GLDC: variants seen among roughly 807,000 people sequenced by gnomAD.
GLDC encodes glycine decarboxylase, also known as glycine dehydrogenase (decarboxylating), mitochondrial.
GLDC carries 104 observed loss-of-function variants against 121.3 expected under a neutral mutation model. The observed-to-expected ratio is 0.86, with a 90% CI of 0.73 to 1.01. The LOEUF is 1.01. GLDC is among the 50% of genes least tolerant of loss of function. GLDC has a pLI of 0.00. For missense variants in GLDC, 1,429 were observed against 1,306.6 expected (o/e 1.09, Z -1.44); for synonymous variants, 546 against 480.6 (o/e 1.14, Z -1.78).
At chr9:6,605,339 C>T (rs1335029470) in intron 5 of GLDC, 61 bp from the exon 6 acceptor site, 16 of 1,552,514 alleles carry the variant, frequency 1.0e-5, no homozygotes, top group South Asian at 3.4e-5. Flanking sequence ...AATTAATTAA[C>T]GTTTCTTTTC....
At chr9:6,542,294 A>T (rs1467013500) in intron 21 of GLDC, 9 of 152,320 alleles carry the variant, frequency 5.9e-5, no homozygotes, top group Admixed American at 1.3e-4. Context: ...GCTGGAGTGC[A>T]GTAGTGCCAT....
chr9:6,578,717 G>C (rs972477171), intron 15 of GLDC, among the ~76,000 whole-genome samples: 16 of 151,854 alleles, frequency 1.1e-4, no homozygotes, highest in African/African-American at 3.9e-4. Flanking sequence ...TTTTTTTGGA[G>C]AGATGAGGTC....
intron 4 of GLDC, among the ~76,000 whole-genome samples, chr9:6,609,908 C>A (rs1240231675): frequency 6.6e-6 from 1 of 152,074 alleles, no homozygotes; most frequent in South Asian, 2.1e-4. Context: ...AAAATAGTCC[C>A]CTCACCAAAT....
At chr9:6,634,174 C>A (rs761192860) in intron 2 of GLDC, among the ~76,000 whole-genome samples, 19 of 151,860 alleles carry the variant, frequency 1.3e-4, no homozygotes, top group Non-Finnish European at 2.5e-4. Flanking sequence ...CTGCGGTAAG[C>A]CAGGATTGCA....
intron 21 of GLDC, chr9:6,540,586 A>T (rs1817235791): frequency 5.1e-6 from 1 of 196,774 alleles, no homozygotes; most frequent in South Asian, 9.8e-5. Flanking sequence ...TCAACATCAA[A>T]TAATTACTTT....
intron 15 of GLDC, among the ~76,000 whole-genome samples, chr9:6,575,743 C>A (rs192082279): frequency 3.9e-5 from 6 of 152,254 alleles, no homozygotes; most frequent in African/African-American, 1.4e-4. Context: ...TTTACATATC[C>A]ATGGGAGGTG....
rs190995960 is a variant in GLDC at position 6,536,096 on chromosome 9, C to T, written c.2806G>A (p.Gly936Ser). ...GGATTGACCCTGGGGTCGATGCGGC[C>T]CTCCTCAATGTCAGCAATTTCCTGC... ...IRQEIADIEE[G>S]RIDPRVNPLK... The change falls in exon 23 of 25, where the codon GGC becomes AGC. Residue 936 changes from glycine to serine, a missense_variant. Transcript: ENST00000321612. 6.2e-7 allele frequency: 1 copy of T among 1,614,046 alleles called. No individual in the cohort carries two copies. The highest frequency in any genetic ancestry group is 2.2e-5 in the East Asian group (1 of 44,890).
intron 15 of GLDC, among the ~76,000 whole-genome samples, chr9:6,566,697 T>C (rs1202053217): frequency 6.6e-6 from 1 of 152,196 alleles, no homozygotes; most frequent in Non-Finnish European, 1.5e-5. Flanking sequence ...AAATGAGTAA[T>C]AGATGTATCA....
chr9:6,601,874 G>C, intron 8 of GLDC, among the ~76,000 whole-genome samples: 1 of 152,122 alleles, frequency 6.6e-6, no homozygotes, highest in East Asian at 1.9e-4. Context: ...CCAGCAATCT[G>C]CCTGCCTTGG....
chr9:6,536,591 A>T (rs893662377), intron 22 of GLDC, among the ~76,000 whole-genome samples: 1 of 152,188 alleles, frequency 6.6e-6, no homozygotes, highest in Non-Finnish European at 1.5e-5. Flanking sequence ...TAAAAGGACA[A>T]AGTACTTATA....
chr9:6,535,678 T>C (rs1817111848), intron 23 of GLDC, among the ~76,000 whole-genome samples: 1 of 152,178 alleles, frequency 6.6e-6, no homozygotes, highest in South Asian at 2.1e-4. Flanking sequence ...CATTGTAACA[T>C]CCAGTCCAAA....
Position 6,592,832 on chromosome 9 carries a change from T to C in GLDC, c.1401+19A>G, listed in dbSNP as rs778752533. 12 of 1,609,722 alleles carry C rather than the reference T, an allele frequency of 7.5e-6. No individual in the cohort carries two copies. Among genetic ancestry groups the C allele is most frequent in the African/African-American group, 2.7e-5 (2 of 74,820 alleles). On this transcript the variant is annotated intron_variant, in intron 10 of 24. Coordinates refer to ENST00000321612, the MANE Select transcript of GLDC (RefSeq NM_000170.3). ...TGAAAATTTGAAAAACTGGTAAAAA[T>C]ACTGAAAATTTGACTTACTGTGCCA...
At chr9:6,602,230 T>G (rs369197949) in intron 7 of GLDC, 25 bp from the exon 8 acceptor site, 13 of 1,333,296 alleles carry the variant, frequency 9.8e-6, no homozygotes, top group South Asian at 1.2e-5. Flanking sequence ...AGGCATCCAG[T>G]TAGCACAGAT....
chr9:6,623,684 TTA>T (rs1225925007), intron 2 of GLDC, among the ~76,000 whole-genome samples: 1 of 152,162 alleles, frequency 6.6e-6, no homozygotes, highest in East Asian at 1.9e-4. Flanking sequence ...AGTCTTGAAG[TTA>T]TTAGTTTCAT....
chr9:6,532,703 C>A lies in GLDC; in HGVS notation c.*314G>T, dbSNP rs1031141758. The A allele has an allele frequency of 1.1e-5, 4 of 371,560 alleles. No homozygotes were observed. In the East Asian group the frequency reaches 2.5e-4, roughly 23 times the overall value. The allele number at this position is 371,560 out of a possible 1,614,324, so 23.0% of individuals were successfully genotyped here. A position where few individuals can be genotyped will look rare whatever the true frequency, so the allele number is the denominator to read the frequency against. On this transcript the variant is annotated 3_prime_UTR_variant, in exon 25 of 25. Coordinates refer to ENST00000321612, the MANE Select transcript of GLDC (RefSeq NM_000170.3). ...AATGTCTATTAAGTCTCCAGGATAG[C>A]CTCTATGACATCTGCAAACTTGCCA...
chr9:6,563,075 C>T (rs1453585002), intron 16 of GLDC, among the ~76,000 whole-genome samples: 2 of 152,188 alleles, frequency 1.3e-5, no homozygotes, highest in Non-Finnish European at 2.9e-5. Context: ...AGAAACATCA[C>T]ACACAGTGGG....
At chr9:6,562,503 C>T (rs148651254) in intron 16 of GLDC, among the ~76,000 whole-genome samples, 146 of 152,266 alleles carry the variant, frequency 9.6e-4, no homozygotes, top group African/African-American at 3.5e-3. Context: ...AAAAAATCTT[C>T]CCTGATTAGT....
rs575143599 is a variant in GLDC, at chr9:6,540,282, G to A, written c.2570-136C>T. The A allele has an allele frequency of 4.0e-5, 28 of 700,020 alleles. 1 individual carries two copies. Among genetic ancestry groups the A allele is most frequent in the South Asian group, 1.4e-4 (9 of 64,358 alleles). The allele number at this position is 700,020 out of a possible 1,614,324, so 43.4% of individuals were successfully genotyped here. ...CGAGGACCAAGAAGCCATGGGCACC[G>A]GGTAAGTTTATTATTGGCAATAAAG... On this transcript the variant is annotated intron_variant, in intron 21 of 24. Transcript: ENST00000321612.
chr9:6,604,450 T>A, intron 7 of GLDC, 138 bp downstream of exon 7: 1 of 836,958 alleles, frequency 1.2e-6, no homozygotes. Context: ...AGAATTGTTC[T>A]TCTGAATCTA....
Sources: allele counts gnomAD v4.1 joint callset (sites outside exome capture counted in the v4.1 genomes callset), GRCh38; gene constraint gnomAD v4.1.1; transcripts MANE v1.5; gene names NCBI Gene and HGNC (gene_info 2026-07-23, HGNC 2026-07-21).